Variants in LRRN1 observed in about 807,000 individuals in gnomAD.
The protein encoded by LRRN1 is leucine rich repeat neuronal 1.
Under a neutral mutation model 45.8 loss-of-function variants are expected in LRRN1, and 14 were observed. The ratio of observed to expected loss-of-function variants is 0.31; its 90% CI spans 0.20 to 0.48. LRRN1 has a LOEUF of 0.48. Ranked by LOEUF, LRRN1 falls within the 20% of genes least tolerant of loss-of-function variation. The probability of loss-of-function intolerance (pLI) is 0.99; values close to 1 mark genes in which losing one functional copy is unlikely to be tolerated. For missense variants in LRRN1, 789 were observed against 874.2 expected (o/e 0.90, Z 1.23); for synonymous variants, 359 against 330.1 (o/e 1.09, Z -0.95).
At chr3:3,814,384 T>C (rs1692945647) in intron 1 of LRRN1, among the ~76,000 whole-genome samples, 1 of 151,826 alleles carries the variant, frequency 6.6e-6, no homozygotes, top group Non-Finnish European at 1.5e-5. Flanking sequence ...GAATCAGATG[T>C]ATATGGGCTG....
At chr3:3,835,543 C>G (rs540047044) in intron 1 of LRRN1, among the ~76,000 whole-genome samples, 28 of 150,922 alleles carry the variant, frequency 1.9e-4, no homozygotes, top group African/African-American at 6.6e-4. Context: ...ACACTTGATT[C>G]CTCCAGGGTA....
At chr3:3,807,643 A>C (rs1692793886) in intron 1 of LRRN1, among the ~76,000 whole-genome samples, 1 of 152,060 alleles carries the variant, frequency 6.6e-6, no homozygotes, top group Non-Finnish European at 1.5e-5. Flanking sequence ...CCACATGACT[A>C]CTCAAGGTTC....
chr3:3,809,760 G>A (rs936492568), intron 1 of LRRN1, among the ~76,000 whole-genome samples: 11 of 152,168 alleles, frequency 7.2e-5, no homozygotes, highest in Non-Finnish European at 1.3e-4. Context: ...AATAGAGCCC[G>A]CCTCTTAGAA....
At chr3:3,830,968 G>A (rs2106463868) in intron 1 of LRRN1, among the ~76,000 whole-genome samples, 1 of 152,314 alleles carries the variant, frequency 6.6e-6, no homozygotes, top group South Asian at 2.1e-4. Flanking sequence ...CCTCCACTGT[G>A]ATTCATCTAT....
chr3:3,803,891 T>C (rs985200137), intron 1 of LRRN1, among the ~76,000 whole-genome samples: 2 of 152,228 alleles, frequency 1.3e-5, no homozygotes, highest in Non-Finnish European at 2.9e-5. Flanking sequence ...TGTTACAGAA[T>C]GTAGCCTCCC....
At chr3:3,841,807 C>T (rs557651251) in intron 1 of LRRN1, among the ~76,000 whole-genome samples, 7 of 152,278 alleles carry the variant, frequency 4.6e-5, no homozygotes, top group East Asian at 1.9e-4. Flanking sequence ...CGTGAGCCAC[C>T]GCGCCCGGCC....
Position 3,844,798 on chromosome 3 carries a change from G to GTGCAAT in LRRN1, c.157_158insTGCAAT (p.Ala53delinsValGlnSer). 1 of 1,614,140 alleles carries GTGCAAT rather than the reference G, an allele frequency of 6.2e-7. No homozygotes were observed. The highest frequency in any genetic ancestry group is 1.1e-5 in the South Asian group (1 of 91,082). Reference sequence around the variant, plus strand: ...TACCCCACAGTCAACTTACAGAGAAGCCACCACTGTTGATTGCAATGACCT... The same window carrying GTGCAAT: ...TACCCCACAGTCAACTTACAGAGAAGTGCAATCCACCACTGTTGATTGCAATGACCT... On this transcript the variant is annotated protein_altering_variant, in exon 2 of 2. Transcript: ENST00000319331.
intron 1 of LRRN1, among the ~76,000 whole-genome samples, chr3:3,808,682 C>G (rs1283876165): frequency 2.0e-5 from 3 of 152,168 alleles, no homozygotes; most frequent in Non-Finnish European, 4.4e-5. Flanking sequence ...ATTTCTTCCT[C>G]TTTAATTGCA....
chr3:3,812,576 C>T (rs147724727), intron 1 of LRRN1, among the ~76,000 whole-genome samples: 38 of 152,188 alleles, frequency 2.5e-4, no homozygotes, highest in African/African-American at 8.7e-4. Flanking sequence ...CAAAGTTCAG[C>T]GAAGGAAGAG....
chr3:3,827,818 G>C (rs1693257501), intron 1 of LRRN1, among the ~76,000 whole-genome samples: 3 of 152,056 alleles, frequency 2.0e-5, no homozygotes, highest in Admixed American at 2.0e-4. Context: ...TTGGAGGTTT[G>C]TGTTTTATAA....
At chr3:3,828,664 C>G (rs1265651523) in intron 1 of LRRN1, among the ~76,000 whole-genome samples, 1 of 152,116 alleles carries the variant, frequency 6.6e-6, no homozygotes, top group African/African-American at 2.4e-5. Flanking sequence ...CTATCCTTCC[C>G]ACAACCGGAA....
At chr3:3,812,643 G>T (rs1280081377) in intron 1 of LRRN1, among the ~76,000 whole-genome samples, 1 of 152,186 alleles carries the variant, frequency 6.6e-6, no homozygotes, top group Non-Finnish European at 1.5e-5. Flanking sequence ...AATTGGTGGA[G>T]AGGGAAATTG....
chr3:3,840,924 C>G (rs1050390995), intron 1 of LRRN1, among the ~76,000 whole-genome samples: 2 of 152,212 alleles, frequency 1.3e-5, no homozygotes, highest in Non-Finnish European at 2.9e-5. Context: ...TCAATACTAA[C>G]AGACTGTTTT....
chr3:3,846,393 G>T lies in LRRN1; in HGVS notation c.1752G>T (p.Thr584=). 6.2e-7 allele frequency: 1 copy of T among 1,613,764 alleles called. No homozygotes were observed. The highest frequency in any genetic ancestry group is 2.2e-5 in the East Asian group (1 of 44,892). Residue 584 remains threonine, a synonymous_variant, in exon 2 of 2, where the codon ACG becomes ACT. Transcript: ENST00000319331. This position sits in a 1 kb window ranked among gnomAD's most constrained non-coding sequence, Gnocchi z 5.7. The part of the protein sequence containing the change: ...VPVDVHEYNL[T]HLQPSTDYEV... ...TCGATGTCCATGAATACAACCTAAC[G>T]CATCTGCAGCCTTCCACAGATTATG...
chr3:3,799,840 T>C lies in LRRN1; in HGVS notation c.-358T>C. 1.2e-5 allele frequency: 2 copies of C among 164,084 alleles called. No homozygotes were observed. Among genetic ancestry groups the C allele is most frequent in the South Asian group, 1.5e-4 (1 of 6,860 alleles). 10.2% of individuals were successfully genotyped at this position (164,084 alleles called of 1,614,324 possible). ...CTCCTCCTCCTCGTCTTTCTCCTCCTCCTGCTGCTGCTGCCGCCGCCGCCG... is the reference window on the plus strand; with the variant it reads ...CTCCTCCTCCTCGTCTTTCTCCTCCCCCTGCTGCTGCTGCCGCCGCCGCCG... On this transcript the variant is annotated 5_prime_UTR_variant, in exon 1 of 2. Transcript: ENST00000319331.
Position 3,821,851 on chromosome 3 carries a change from GTTTGA to G in LRRN1, c.-279+21936_-279+21940del, listed in dbSNP as rs1693112315. Among the ~76,000 whole-genome samples, 5 of 152,320 alleles carry G rather than the reference GTTTGA, an allele frequency of 3.3e-5. No individual in the cohort carries two copies. The South Asian group carries it at 1.0e-3, about 32-fold the overall frequency. On this transcript the variant is annotated intron_variant, in intron 1 of 1. Transcript: ENST00000319331. ...CACATTTGAATTGATTCAGCTAGCT[GTTTGA>G]TTTATCTATTGAGTGCCCACTATGT...
intron 1 of LRRN1, among the ~76,000 whole-genome samples, chr3:3,824,943 C>G (rs1575289465): frequency 6.6e-6 from 1 of 152,192 alleles, no homozygotes; most frequent in South Asian, 2.1e-4. Flanking sequence ...CCGTCTCTAC[C>G]TTTCACAGTT....
rs1246615590 is a variant in LRRN1 at position 3,799,832 on chromosome 3, TCTCCTC to T, written c.-360_-355del. The T allele has an allele frequency of 6.1e-6, 1 of 163,710 alleles. No individual in the cohort carries two copies. The highest frequency in any genetic ancestry group is 1.3e-5 in the Non-Finnish European group (1 of 76,308). The allele number at this position is 163,710 out of a possible 1,614,324, so 10.1% of individuals were successfully genotyped here. ...TAGTCCTCCTCCTCCTCCTCGTCTT[TCTCCTC>T]CTCCTGCTGCTGCTGCCGCCGCCGC... On this transcript the variant is annotated 5_prime_UTR_variant, in exon 1 of 2. Transcript: ENST00000319331.
At chr3:3,828,773 AAATG>A (rs1693291941) in intron 1 of LRRN1, among the ~76,000 whole-genome samples, 1 of 152,186 alleles carries the variant, frequency 6.6e-6, no homozygotes, top group South Asian at 2.1e-4. Context: ...TAAAGGAAAA[AAATG>A]AAGATATTTT....
Sources: gnomAD v4.1 joint callset for allele counts (sites outside exome capture counted in the v4.1 genomes callset) on GRCh38, gnomAD v4.1.1 for gene constraint, Gnocchi (gnomAD v3.1) non-coding constraint, MANE v1.5 for transcripts, NCBI Gene and HGNC (gene_info 2026-07-23, HGNC 2026-07-21) for gene names.